The following RGS3 variants were observed in gnomAD, a reference collection of about 807,000 sequenced individuals.
RGS3 encodes regulator of G protein signaling 3.
Under a neutral mutation model 132.6 loss-of-function variants are expected in RGS3, and 80 were observed. The ratio of observed to expected loss-of-function variants is 0.60; its 90% confidence interval spans 0.50 to 0.73. The LOEUF is 0.73. Among genes scored for constraint, RGS3 ranks in the 30% least tolerant of loss-of-function variants. RGS3 has a pLI of 0.00. For missense variants in RGS3, 1,382 were observed against 1,530.8 expected (o/e 0.90, Z 1.62); for synonymous variants, 598 against 620.6 (o/e 0.96, Z 0.54).
intron 23 of RGS3, 154 bp downstream of exon 21, chr9:113,595,134 G>A (rs1835696098): frequency 2.9e-6 from 2 of 693,762 alleles, no homozygotes; most frequent in Non-Finnish European, 4.9e-6. Context: ...AGCCCAAGCT[G>A]AGGCCCTTGG....
Position 113,506,458 on chromosome 9 carries a change from G to T in RGS3, c.1050G>T (p.Glu350Asp). ...TGCAGCTGAATGAGAGGCCTGTGGA[G>T]CACTGGAAATGTGTGGAGCTGGCCC... The change falls in exon 12 of 25, where the codon GAG becomes GAT. Residue 350 changes from glutamate (E) to aspartate (D), a missense_variant. Transcript: ENST00000350696. This position sits in a 1 kb window ranked among gnomAD's most constrained non-coding sequence, Gnocchi z 4.7. The T allele has an allele frequency of 6.3e-7, 1 of 1,597,960 alleles. No homozygotes were observed. Among genetic ancestry groups the T allele is most frequent in the South Asian group, 1.1e-5 (1 of 87,598 alleles).
chr9:113,531,134 C>T (rs551869291), intron 18 of RGS3, among the ~76,000 whole-genome samples: 7 of 152,202 alleles, frequency 4.6e-5, no homozygotes, highest in South Asian at 2.1e-4. Context: ...TGGTGTTATC[C>T]GAAAGTAGTC....
intron 19 of RGS3, among the ~76,000 whole-genome samples, chr9:113,573,649 C>A (rs188895268): frequency 2.6e-5 from 4 of 152,362 alleles, no homozygotes; most frequent in Admixed American, 2.6e-4. Flanking sequence ...CTAGCTCTCC[C>A]CACCTGGAAG....
At chr9:113,578,956 C>T (rs1834659139) in intron 19 of RGS3, among the ~76,000 whole-genome samples, 1 of 152,166 alleles carries the variant, frequency 6.6e-6, no homozygotes, top group Non-Finnish European at 1.5e-5. Flanking sequence ...TGGGATCACA[C>T]AGCTAGCAAA....
At position 113,493,775 on chromosome 9, in the gene RGS3, C is replaced by T. The variant is rs1830597041; in HGVS notation, c.690-2011C>T. Among the ~76,000 whole-genome samples the T allele has an allele frequency of 2.0e-5, 3 of 152,146 alleles. No individual in the cohort carries two copies. In the South Asian group the frequency reaches 6.2e-4, roughly 32 times the overall value. ...ACCTTGGACCAACTAATTTTGGGTTCTCAGGAAGAAGTCCTGGAGCATATA... is the reference window on the plus strand; with the variant it reads ...ACCTTGGACCAACTAATTTTGGGTTTTCAGGAAGAAGTCCTGGAGCATATA... On this transcript the variant is annotated intron_variant, in intron 7 of 24. Coordinates refer to ENST00000350696, the Ensembl canonical transcript of RGS3.
chr9:113,558,583 G>C (rs961472843), intron 19 of RGS3, among the ~76,000 whole-genome samples: 1 of 152,150 alleles, frequency 6.6e-6, no homozygotes, highest in East Asian at 1.9e-4. Context: ...AGTGGTTTGG[G>C]TGGCAGGATC....
intron 19 of RGS3, chr9:113,541,540 G>A: frequency 2.0e-6 from 3 of 1,499,886 alleles, no homozygotes; most frequent in East Asian, 2.4e-5. Flanking sequence ...AAGATGGTGG[G>A]TCTAGGGTCA....
intron 3 of RGS3, among the ~76,000 whole-genome samples, chr9:113,477,865 G>T (rs545579460): frequency 1.3e-5 from 2 of 152,340 alleles, no homozygotes; most frequent in East Asian, 3.9e-4. Context: ...CCATGCCTGG[G>T]CTTTCTGGTA....
intron 20 of RGS3, among the ~76,000 whole-genome samples, chr9:113,590,560 C>T (rs76373046): frequency 6.2e-3 from 847 of 136,120 alleles, no homozygotes; most frequent in Non-Finnish European, 6.1e-3. Context: ...ATCCACATAT[C>T]CATCCATCCA....
chr9:113,560,707 G>A (rs573697915), intron 19 of RGS3, among the ~76,000 whole-genome samples: 1 of 152,222 alleles, frequency 6.6e-6, no homozygotes, highest in South Asian at 2.1e-4. Context: ...CCAAACCAGG[G>A]CTGTGAGCCC....
chr9:113,578,894 C>T (rs1057506974), intron 19 of RGS3, among the ~76,000 whole-genome samples: 1 of 152,224 alleles, frequency 6.6e-6, no homozygotes, highest in Non-Finnish European at 1.5e-5. Flanking sequence ...AAGCAGCAGG[C>T]ATCCTCACCC....
rs995766126 is a variant in RGS3, at chr9:113,508,669, T to C, written c.1477+89T>C. ...TGGCCCAGCCTCCGCCCCTGAGTTC[T>C]GAGGCCTTTCCAATGGAGTCAGGTC... On this transcript the variant is annotated intron_variant, in intron 14 of 24. Coordinates refer to ENST00000350696, the Ensembl canonical transcript of RGS3. 3 of 1,368,344 alleles carry C rather than the reference T, an allele frequency of 2.2e-6. No homozygotes were observed. In the African/African-American group the frequency reaches 4.3e-5, roughly 19 times the overall value. 84.8% of individuals were successfully genotyped at this position (1,368,344 alleles called of 1,614,324 possible).
chr9:113,536,543 G>T, intron 18 of RGS3: 1 of 1,277,798 alleles, frequency 7.8e-7, no homozygotes, highest in Non-Finnish European at 1.0e-6. Context: ...CTGCTGTGTT[G>T]GGAGCCACTG....
At chr9:113,581,502 T>G (rs1834804496) in intron 19 of RGS3, 1 of 152,264 alleles carries the variant, frequency 6.6e-6, no homozygotes, top group African/African-American at 2.4e-5. Context: ...ACTTCAGAAT[T>G]TCCCTCTAGA....
chr9:113,575,712 C>T (rs185839829), intron 19 of RGS3, among the ~76,000 whole-genome samples: 1 of 152,324 alleles, frequency 6.6e-6, no homozygotes, highest in Admixed American at 6.5e-5. Flanking sequence ...CCTGACGCCA[C>T]TCTCCAGAAT....
At chr9:113,555,568 G>A (rs1471556694) in intron 19 of RGS3, among the ~76,000 whole-genome samples, 10 of 151,970 alleles carry the variant, frequency 6.6e-5, no homozygotes, top group Non-Finnish European at 1.5e-4. Context: ...CCAGGTTCAA[G>A]CGATTCTCCT....
At chr9:113,466,263 A>G (rs571977288) in intron 3 of RGS3, among the ~76,000 whole-genome samples, 1 of 152,352 alleles carries the variant, frequency 6.6e-6, no homozygotes, top group African/African-American at 2.4e-5. Flanking sequence ...TTTCCTTAGC[A>G]AAGTAGGTAG....
upstream of RGS3, among the ~76,000 whole-genome samples, chr9:113,455,799 A>G (rs115911544): frequency 6.6e-6 from 1 of 152,182 alleles, no homozygotes; most frequent in African/African-American, 2.4e-5. Flanking sequence ...TTAAAAGGCA[A>G]ATCCTTCATT....
rs189497716 is a variant in RGS3 at position 113,452,555 on chromosome 9, A to G, written c.-13+7628A>G. On this transcript the variant is annotated intron_variant, in intron 1 of 25. Transcript: ENST00000374140. ...ACCTTCTTGGATTTGTGGGGTTTAC[A>G]GTTTTCATCAAACTTGGAAAAAGCC... is the stretch of plus-strand genomic sequence containing the variant. 1.6e-3 allele frequency among the ~76,000 whole-genome samples: 249 copies of G among 151,906 alleles called. 2 individuals are homozygous for G. The highest frequency in any genetic ancestry group is 5.5e-3 in the African/African-American group (229 of 41,426).
Sources: allele counts gnomAD v4.1 joint callset (sites outside exome capture counted in the v4.1 genomes callset), GRCh38; gene constraint gnomAD v4.1.1; non-coding constraint Gnocchi (gnomAD v3.1); transcripts MANE v1.5; gene names NCBI Gene and HGNC (gene_info 2026-07-23, HGNC 2026-07-21).